HIVEP2: variants seen among roughly 807,000 people sequenced by gnomAD.
HIVEP2 encodes the protein transcription factor HIVEP2.
In HIVEP2, 14 loss-of-function variants were observed where a neutral mutation model predicts 180.7. The ratio of observed to expected loss-of-function variants is 0.08; its 90% CI spans 0.05 to 0.12. The LOEUF (loss-of-function observed/expected upper bound fraction) is 0.12, where lower values mean the gene tolerates loss of function less well. Among genes scored for constraint, HIVEP2 ranks in the 10% least tolerant of loss-of-function variants. The pLI, the probability that HIVEP2 is intolerant of heterozygous loss-of-function variation, is 1.00. For missense variants in HIVEP2, 2,579 were observed against 3,008.5 expected (o/e 0.86, Z 3.34); for synonymous variants, 1,184 against 1,136.4 (o/e 1.04, Z -0.84).
chr6:142,795,053 T>A (rs562882266), intron 2 of HIVEP2, among the ~76,000 whole-genome samples: 1 of 152,074 alleles, frequency 6.6e-6, no homozygotes, highest in South Asian at 2.1e-4. Context: ...AACTCTTAAT[T>A]TGGGTTTCAG....
intron 2 of HIVEP2, among the ~76,000 whole-genome samples, chr6:142,828,067 G>C (rs1221247699): frequency 1.3e-5 from 2 of 152,086 alleles, no homozygotes; most frequent in Non-Finnish European, 2.9e-5. Context: ...AAATCCATTG[G>C]TCCTTTCTTA....
At chr6:142,941,451 T>C (rs1778180219) in intron 1 of HIVEP2, among the ~76,000 whole-genome samples, 1 of 152,094 alleles carries the variant, frequency 6.6e-6, no homozygotes, top group African/African-American at 2.4e-5. Context: ...AAAGAGAAAA[T>C]ACTACTTCTC....
rs755880141 is a variant in HIVEP2, at chr6:142,769,675, C to T, written c.5064G>A (p.Lys1688=). The T allele has an allele frequency of 2.0e-5, 32 of 1,614,062 alleles. No individual in the cohort carries two copies. Among genetic ancestry groups the T allele is most frequent in the Non-Finnish European group, 2.6e-5 (31 of 1,180,044 alleles). Residue 1688 remains lysine, a synonymous_variant, in exon 5 of 10, where the codon AAG becomes AAA. Transcript: ENST00000367603. ...CNPNPSGLNT[K]TTLALLRSKQ... is the part of the protein sequence containing the mutation. ...TGGACCTCAGAAGAGCCAGCGTGGTCTTGGTGTTCAATCCTGATGGGTTTG... is the reference window on the plus strand; with the variant it reads ...TGGACCTCAGAAGAGCCAGCGTGGTTTTGGTGTTCAATCCTGATGGGTTTG...
chr6:142,924,551 A>G (rs1777757370), intron 1 of HIVEP2, among the ~76,000 whole-genome samples: 1 of 152,238 alleles, frequency 6.6e-6, no homozygotes, highest in Non-Finnish European at 1.5e-5. Context: ...AAGAAACATA[A>G]ACTTCTCAGT....
At chr6:142,803,427 CA>C (rs1776463598) in intron 2 of HIVEP2, among the ~76,000 whole-genome samples, 1 of 152,006 alleles carries the variant, frequency 6.6e-6, no homozygotes, top group Non-Finnish European at 1.5e-5. Flanking sequence ...AGTTGAAGAA[CA>C]GGGTTAAAAA....
intron 5 of HIVEP2, among the ~76,000 whole-genome samples, chr6:142,769,029 G>T (rs868666431): frequency 4.0e-4 from 59 of 148,850 alleles, no homozygotes; most frequent in Non-Finnish European, 7.0e-4. Flanking sequence ...GGCATTGATG[G>T]TTCTTGTAGG....
At chr6:142,829,622 T>A (rs577906052) in intron 2 of HIVEP2, among the ~76,000 whole-genome samples, 1 of 152,266 alleles carries the variant, frequency 6.6e-6, no homozygotes, top group Non-Finnish European at 1.5e-5. Flanking sequence ...TTACTCATCA[T>A]TGTATTCCTC....
chr6:142,793,672 T>TC (rs1491402587), intron 2 of HIVEP2, among the ~76,000 whole-genome samples: 8,460 of 128,588 alleles, frequency 0.066, 343 homozygotes, highest in African/African-American at 0.11. Flanking sequence ...TCTTTCTTTC[T>TC]TTCTCTCTCT....
intron 1 of HIVEP2, among the ~76,000 whole-genome samples, chr6:142,912,682 T>G (rs1777443813): frequency 6.6e-6 from 1 of 152,238 alleles, no homozygotes. Flanking sequence ...TGAAACCGAC[T>G]GTGAACCGCG....
At position 142,773,066 on chromosome 6, in the gene HIVEP2, G is replaced by T. The variant is rs775867444; in HGVS notation, c.1673C>A (p.Pro558His). Residue 558 changes from proline (P) to histidine (H), a missense_variant, in exon 5 of 10, where the codon CCT becomes CAT. Coordinates refer to ENST00000367603, the MANE Select transcript of HIVEP2 (RefSeq NM_006734.4). ...AAATGAGTGACTTCCTCTCAAAGAA[G>T]GAGGAATAGTTAGATTAGTTGCTGA... ...TSSATNLTIP[P>H]SLRGSHSFDE... is the part of the protein sequence containing the mutation. 7.4e-6 allele frequency: 12 copies of T among 1,614,218 alleles called. No homozygotes were observed. The highest frequency in any genetic ancestry group is 1.0e-5 in the Non-Finnish European group (12 of 1,180,040).
rs188803311 is a variant in HIVEP2 at position 142,831,131 on chromosome 6, C to T, written c.-528+5804G>A. On this transcript the variant is annotated intron_variant, in intron 2 of 9. Coordinates refer to ENST00000367603, the MANE Select transcript of HIVEP2 (RefSeq NM_006734.4). Reference sequence around the variant, plus strand: ...CAGAGGCAGTGAACCGTGGAAGGGTCGAGGGTCCTAAGAAAAACAATTTGA... The same window carrying T: ...CAGAGGCAGTGAACCGTGGAAGGGTTGAGGGTCCTAAGAAAAACAATTTGA... Among the ~76,000 whole-genome samples, 5 of 152,228 alleles carry T rather than the reference C, an allele frequency of 3.3e-5. No homozygotes were observed. The East Asian group carries it at 5.8e-4, about 18-fold the overall frequency.
intron 1 of HIVEP2, among the ~76,000 whole-genome samples, chr6:142,899,059 C>A (rs558732130): frequency 2.1e-4 from 32 of 152,268 alleles, no homozygotes; most frequent in African/African-American, 7.7e-4. Flanking sequence ...GCCTGCAGGA[C>A]AGAGTTCAAA....
Position 142,753,430 on chromosome 6 carries a change from T to G in HIVEP2, c.7018A>C (p.Thr2340Pro). The change falls in exon 10 of 10, where the codon ACG (threonine) becomes CCG (proline). Residue 2340 changes from threonine (T) to proline (P), a missense_variant. Thr to Pro is a conservative substitution (Grantham distance 38). This residue lies in a region of HIVEP2 where 660 missense variants were observed against 731.7 expected (regional missense o/e 0.90). Transcript: ENST00000367603. ...TKAIASLRIA[T>P]EEAALLGPDQ... The stretch of plus-strand genomic sequence containing the variant: ...GGCCCGAGCAGAGCTGCCTCTTCCG[T>G]GGCAATCCGGAGAGAGGCAATGGCT... The G allele has an allele frequency of 6.2e-7, 1 of 1,613,994 alleles. No homozygotes were observed. Among genetic ancestry groups the G allele is most frequent in the Non-Finnish European group, 8.5e-7 (1 of 1,180,032 alleles).
chr6:142,941,106 G>A (rs755820498), intron 1 of HIVEP2, among the ~76,000 whole-genome samples: 15 of 152,054 alleles, frequency 9.9e-5, no homozygotes, highest in Non-Finnish European at 2.1e-4. Context: ...GCACAAATTC[G>A]GCCTAGAACA....
chr6:142,774,553 T>C lies in HIVEP2; in HGVS notation c.186A>G (p.Gln62=). ...AGGCCAGTTTCCCAGAACCAAACAG[T>C]TGTGCTGATGCTGTGTTTCCGATTT... is the stretch of plus-strand genomic sequence containing the variant. ...PEQIGNTASA[Q]LFGSGKLASP... Residue 62 remains glutamine, a synonymous_variant, in exon 5 of 10, where the codon CAA becomes CAG. Transcript: ENST00000367603. The surrounding 1 kb of genome is among the most constrained non-coding windows in gnomAD (Gnocchi z 5.1). The C allele has an allele frequency of 6.2e-7, 1 of 1,614,182 alleles. No homozygotes were observed. Among genetic ancestry groups the C allele is most frequent in the Non-Finnish European group, 8.5e-7 (1 of 1,180,028 alleles).
rs756032225 is a variant in HIVEP2, at chr6:142,761,476, T to C, written c.5608A>G (p.Thr1870Ala). 1 of 1,584,540 alleles carries C rather than the reference T, an allele frequency of 6.3e-7. No individual in the cohort carries two copies. The highest frequency in any genetic ancestry group is 1.1e-5 in the South Asian group (1 of 90,434). The change falls in exon 8 of 10, where the codon ACT becomes GCT. Residue 1870 changes from threonine to alanine, a missense_variant. This residue lies in a region of HIVEP2 where 660 missense variants were observed against 731.7 expected (regional missense o/e 0.90). Transcript: ENST00000367603. ...VSMTSVDDTE[T>A]EEAENLEDLH... ...ATGACATACACACCTGCTTCCTCAGTTTCTGTATCATCCACCGATGTCATT... is the reference window on the plus strand; with the variant it reads ...ATGACATACACACCTGCTTCCTCAGCTTCTGTATCATCCACCGATGTCATT...
intron 2 of HIVEP2, among the ~76,000 whole-genome samples, chr6:142,800,590 A>G (rs1776379535): frequency 6.6e-6 from 1 of 152,166 alleles, no homozygotes; most frequent in Non-Finnish European, 1.5e-5. Context: ...ATTTAGTTTT[A>G]TTGAGAGAGA....
intron 1 of HIVEP2, among the ~76,000 whole-genome samples, chr6:142,845,139 C>T (rs770001061): frequency 8.5e-5 from 13 of 152,156 alleles, no homozygotes; most frequent in Non-Finnish European, 1.9e-4. Context: ...CAAAAACAAA[C>T]AAAAATCTTG....
chr6:142,839,451 C>T (rs1247239941), intron 1 of HIVEP2, among the ~76,000 whole-genome samples: 1 of 152,008 alleles, frequency 6.6e-6, no homozygotes, highest in Non-Finnish European at 1.5e-5. Context: ...GACATCTGAC[C>T]TTTGTATTTC....
Sources: gnomAD v4.1 joint callset for allele counts (sites outside exome capture counted in the v4.1 genomes callset) on GRCh38, gnomAD v4.1.1 for gene constraint, gnomAD v4.1.1 regional missense constraint, Gnocchi (gnomAD v3.1) non-coding constraint, MANE v1.5 for transcripts, NCBI Gene and HGNC (gene_info 2026-07-23, HGNC 2026-07-21) for gene names.